The following VAV3 variants were observed in gnomAD, a reference collection of about 807,000 sequenced individuals.
The protein encoded by VAV3 is guanine nucleotide exchange factor VAV3.
In VAV3, 94 loss-of-function variants were observed where a neutral mutation model predicts 131.2. That is an observed-to-expected ratio of 0.72 (90% confidence interval 0.61 to 0.85). The LOEUF (loss-of-function observed/expected upper bound fraction) is 0.85, where lower values mean the gene tolerates loss of function less well. Ranked by LOEUF, VAV3 falls within the 40% of genes least tolerant of loss-of-function variation. The pLI, the probability that VAV3 is intolerant of heterozygous loss-of-function variation, is 0.00. For synonymous variants in VAV3, 349 were observed against 342.0 expected (o/e 1.02, Z -0.22); for missense variants, 939 against 1,002.7 (o/e 0.94, Z 0.86).
chr1:107,635,465 T>G, intron 20 of VAV3, among the ~76,000 whole-genome samples: 1 of 98,026 alleles, frequency 1.0e-5, no homozygotes, highest in Admixed American at 1.5e-4. Context: ...CACTGGGGCC[T>G]GTTGTGGGGT....
intron 15 of VAV3, among the ~76,000 whole-genome samples, chr1:107,748,574 CTGTT>C (rs1325376704): frequency 6.6e-6 from 1 of 152,102 alleles, no homozygotes; most frequent in African/African-American, 2.4e-5. Context: ...ATTTACATAT[CTGTT>C]TGTGTATGTA....
chr1:107,812,476 G>C (rs1010915486), intron 2 of VAV3, among the ~76,000 whole-genome samples: 1 of 151,904 alleles, frequency 6.6e-6, no homozygotes, highest in Non-Finnish European at 1.5e-5. Flanking sequence ...GAATAGTGGA[G>C]GTTAACTATG....
intron 13 of VAV3, 150 bp from the exon 14 acceptor site, chr1:107,749,744 TA>T: frequency 3.5e-6 from 3 of 869,380 alleles, no homozygotes; most frequent in Non-Finnish European, 5.1e-6. Flanking sequence ...TATTTGAGGT[TA>T]TAAGAACTGT....
At chr1:107,890,338 T>C (rs897864126) in intron 1 of VAV3, among the ~76,000 whole-genome samples, 1 of 152,196 alleles carries the variant, frequency 6.6e-6, no homozygotes, top group Non-Finnish European at 1.5e-5. Flanking sequence ...ATATTAGCCA[T>C]ATAGAATACT....
At chr1:107,642,152 C>A (rs1293368894) in intron 20 of VAV3, among the ~76,000 whole-genome samples, 1 of 152,064 alleles carries the variant, frequency 6.6e-6, no homozygotes, top group Non-Finnish European at 1.5e-5. Context: ...CGACTGCATT[C>A]CCTGACAATT....
intron 1 of VAV3, among the ~76,000 whole-genome samples, chr1:107,938,458 T>C (rs1233565672): frequency 6.6e-6 from 1 of 152,056 alleles, no homozygotes; most frequent in Non-Finnish European, 1.5e-5. Context: ...TCCCAAAGAC[T>C]GAAATATCTG....
At chr1:107,795,004 T>C (rs1258316097) in intron 2 of VAV3, among the ~76,000 whole-genome samples, 1 of 152,310 alleles carries the variant, frequency 6.6e-6, no homozygotes, top group South Asian at 2.1e-4. Flanking sequence ...AGATGAAGTA[T>C]TGCACCTAGA....
intron 2 of VAV3, among the ~76,000 whole-genome samples, chr1:107,816,729 T>G (rs1412711265): frequency 6.6e-6 from 1 of 152,178 alleles, no homozygotes; most frequent in Admixed American, 6.5e-5. Flanking sequence ...AAATATAAAA[T>G]GTACACAAAA....
intron 19 of VAV3, among the ~76,000 whole-genome samples, chr1:107,659,770 G>C (rs771021007): frequency 2.0e-5 from 3 of 152,080 alleles, no homozygotes; most frequent in Non-Finnish European, 4.4e-5. Context: ...TTTGTTGAAG[G>C]CTTCTTTTTA....
intron 9 of VAV3, among the ~76,000 whole-genome samples, chr1:107,761,785 T>G (rs1664448550): frequency 6.6e-6 from 1 of 152,204 alleles, no homozygotes; most frequent in South Asian, 2.1e-4. Flanking sequence ...TGTATGCCCC[T>G]AAGAATGTAG....
intron 20 of VAV3, among the ~76,000 whole-genome samples, chr1:107,629,733 G>A (rs1654310308): frequency 6.6e-6 from 1 of 152,098 alleles, no homozygotes; most frequent in South Asian, 2.1e-4. Context: ...TTTGAAAGAA[G>A]TAATAATGAA....
intron 20 of VAV3, among the ~76,000 whole-genome samples, chr1:107,634,754 A>G (rs1178182874): frequency 1.3e-5 from 2 of 151,410 alleles, no homozygotes; most frequent in Non-Finnish European, 3.0e-5. Flanking sequence ...AGAATCTACA[A>G]TGAACTCAAA....
intron 3 of VAV3, among the ~76,000 whole-genome samples, chr1:107,779,138 A>G (rs1252233134): frequency 6.6e-6 from 1 of 151,886 alleles, no homozygotes; most frequent in Non-Finnish European, 1.5e-5. Context: ...ACTTTAATGA[A>G]TCATATGTAC....
rs577677411 is a variant in VAV3, at chr1:107,674,227, G to A, written c.1777+9261C>T. Among the ~76,000 whole-genome samples the A allele has an allele frequency of 1.2e-3, 186 of 152,296 alleles. 2 individuals carry two copies. The highest frequency in any genetic ancestry group is 2.0e-3 in the Non-Finnish European group (133 of 68,024). ...AAATTATTCTTTCCATTTCCAAACT[G>A]TTAAGCAGAGTGAGTTCTGCTGGGT... On this transcript the variant is annotated intron_variant, in intron 19 of 26. Transcript: ENST00000370056.
intron 25 of VAV3, among the ~76,000 whole-genome samples, chr1:107,580,038 G>A (rs1011609239): frequency 6.6e-6 from 1 of 152,126 alleles, no homozygotes; most frequent in Non-Finnish European, 1.5e-5. Context: ...TAGCCCTCTG[G>A]TAGGCATTGC....
intron 15 of VAV3, among the ~76,000 whole-genome samples, chr1:107,715,532 A>G (rs1405726993): frequency 6.6e-6 from 1 of 152,196 alleles, no homozygotes; most frequent in African/African-American, 2.4e-5. Context: ...GTATTCAACA[A>G]ATTAATTGAG....
At chr1:107,936,862 G>A (rs149972221) in intron 1 of VAV3, among the ~76,000 whole-genome samples, 247 of 152,204 alleles carry the variant, frequency 1.6e-3, no homozygotes, top group Non-Finnish European at 2.7e-3. Context: ...CCTGTGTCAC[G>A]CTGCTCCTTC....
intron 2 of VAV3, among the ~76,000 whole-genome samples, chr1:107,842,029 G>C (rs1447822322): frequency 2.6e-5 from 4 of 151,874 alleles, no homozygotes; most frequent in Non-Finnish European, 4.4e-5. Context: ...TCACTACCTA[G>C]TAATAAATTT....
intron 1 of VAV3, among the ~76,000 whole-genome samples, chr1:107,919,312 AG>A (rs1195511623): frequency 1.3e-5 from 2 of 152,242 alleles, no homozygotes; most frequent in Non-Finnish European, 2.9e-5. Context: ...TTTAGAGGAA[AG>A]TAATATAAAT....
Sources: allele counts gnomAD v4.1 joint callset (sites outside exome capture counted in the v4.1 genomes callset), GRCh38; gene constraint gnomAD v4.1.1; transcripts MANE v1.5; gene names NCBI Gene and HGNC (gene_info 2026-07-23, HGNC 2026-07-21).